Variants in EBF2 observed in about 807,000 individuals in gnomAD.
EBF2 encodes transcription factor COE2.
A neutral mutation model predicts 72.8 loss-of-function variants in EBF2; 21 were observed. That is an observed-to-expected ratio of 0.29 (90% CI 0.20 to 0.42). EBF2 has a LOEUF of 0.42. Among genes scored for constraint, EBF2 ranks in the 10% least tolerant of loss-of-function variants. EBF2 has a pLI of 1.00. For missense variants in EBF2, 637 were observed against 731.2 expected (o/e 0.87, Z 1.49); for synonymous variants, 299 against 274.2 (o/e 1.09, Z -0.89).
At chr8:25,996,043 C>T (rs553283058) in intron 6 of EBF2, among the ~76,000 whole-genome samples, 4 of 151,948 alleles carry the variant, frequency 2.6e-5, no homozygotes, top group Non-Finnish European at 5.9e-5. Flanking sequence ...CCTGTGATCC[C>T]AACACTTTGG....
At chr8:25,909,345 GA>G (rs1803089124) in intron 6 of EBF2, among the ~76,000 whole-genome samples, 1 of 151,416 alleles carries the variant, frequency 6.6e-6, no homozygotes, top group African/African-American at 2.4e-5. Flanking sequence ...GTTAATGTTT[GA>G]AAATTTGTTT....
intron 4 of EBF2, 107 bp downstream of exon 4, chr8:26,040,509 G>A: frequency 1.8e-6 from 2 of 1,082,382 alleles, no homozygotes; most frequent in South Asian, 1.5e-5. Context: ...GGGCTGTGGA[G>A]TCTGACCCAG....
intron 6 of EBF2, chr8:26,032,130 G>A (rs931858261): frequency 6.6e-6 from 1 of 152,190 alleles, no homozygotes; most frequent in Admixed American, 6.5e-5. Context: ...GAAGAACAAA[G>A]ATGCTGAGTG....
intron 6 of EBF2, among the ~76,000 whole-genome samples, chr8:25,984,951 AAT>A (rs1804423943): frequency 1.3e-5 from 2 of 148,462 alleles, no homozygotes; most frequent in Non-Finnish European, 3.0e-5. Flanking sequence ...AAAAAAAAAA[AAT>A]TATGGCTCTA....
intron 6 of EBF2, among the ~76,000 whole-genome samples, chr8:25,925,686 C>T (rs1585197491): frequency 6.6e-6 from 1 of 152,046 alleles, no homozygotes; most frequent in Admixed American, 6.5e-5. Context: ...ACTGGGCAGC[C>T]GAGCCTCTGG....
chr8:25,921,738 C>T (rs554841872), intron 6 of EBF2, among the ~76,000 whole-genome samples: 1 of 152,324 alleles, frequency 6.6e-6, no homozygotes, highest in African/African-American at 2.4e-5. Context: ...GCAGAGGACA[C>T]TACCTAATTA....
intron 14 of EBF2, among the ~76,000 whole-genome samples, chr8:25,856,475 C>A (rs1802095491): frequency 6.6e-6 from 1 of 152,184 alleles, no homozygotes; most frequent in African/African-American, 2.4e-5. Flanking sequence ...CATTCAATAA[C>A]TCTTCATCTC....
chr8:25,850,846 T>C, intron 14 of EBF2, 85 bp from the exon 15 acceptor site: 4 of 1,428,592 alleles, frequency 2.8e-6, no homozygotes, highest in Non-Finnish European at 3.7e-6. Context: ...TGAGAAATTG[T>C]TAATTTCCAT....
rs114040151 is a variant in EBF2 at position 25,852,300 on chromosome 8, G to A, written c.1529-1539C>T. ...TCTTCTAGCCTTGGGTTTGGCATTAGTGAAATAGAAAAAATCCAAAAGCAA... is the reference window on the plus strand; with the variant it reads ...TCTTCTAGCCTTGGGTTTGGCATTAATGAAATAGAAAAAATCCAAAAGCAA... On this transcript the variant is annotated intron_variant, in intron 14 of 15. Coordinates refer to ENST00000520164, the MANE Select transcript of EBF2 (RefSeq NM_022659.4). Among the ~76,000 whole-genome samples the A allele has an allele frequency of 7.8e-3, 1,193 of 152,140 alleles. 14 individuals carry two copies. Among genetic ancestry groups the A allele is most frequent in the African/African-American group, 0.027 (1,133 of 41,482 alleles).
chr8:25,861,832 T>G (rs1253391370), intron 11 of EBF2, among the ~76,000 whole-genome samples: 1 of 152,228 alleles, frequency 6.6e-6, no homozygotes, highest in Non-Finnish European at 1.5e-5. Flanking sequence ...AAAATTTTAT[T>G]CTAATAAAGA....
At chr8:25,957,804 C>T (rs763801627) in intron 6 of EBF2, among the ~76,000 whole-genome samples, 3 of 152,126 alleles carry the variant, frequency 2.0e-5, no homozygotes, top group Non-Finnish European at 2.9e-5. Flanking sequence ...AGTTCAAGAT[C>T]GTGGTGAACC....
intron 6 of EBF2, among the ~76,000 whole-genome samples, chr8:25,913,056 C>G (rs1269643664): frequency 1.3e-5 from 2 of 152,150 alleles, no homozygotes; most frequent in Non-Finnish European, 2.9e-5. Context: ...AAACCCAGCA[C>G]AATATTTCTC....
chr8:25,858,054 C>T (rs1802129841), intron 14 of EBF2: 2 of 608,676 alleles, frequency 3.3e-6, no homozygotes, highest in Non-Finnish European at 3.1e-6. Flanking sequence ...CTTGCTTCCA[C>T]TTACACAGGC....
intron 6 of EBF2, among the ~76,000 whole-genome samples, chr8:26,021,661 A>G (rs925546014): frequency 6.6e-6 from 1 of 152,260 alleles, no homozygotes; most frequent in African/African-American, 2.4e-5. Flanking sequence ...ATGATTGTTT[A>G]TCTGAAATGC....
At chr8:25,972,152 G>A (rs947111699) in intron 6 of EBF2, among the ~76,000 whole-genome samples, 13 of 152,196 alleles carry the variant, frequency 8.5e-5, no homozygotes, top group African/African-American at 3.1e-4. Flanking sequence ...ACAGAGAGGA[G>A]CATGCTGACC....
At chr8:25,951,377 A>G (rs1803859082) in intron 6 of EBF2, among the ~76,000 whole-genome samples, 1 of 152,178 alleles carries the variant, frequency 6.6e-6, no homozygotes, top group Non-Finnish European at 1.5e-5. Flanking sequence ...ACCAAGTCCC[A>G]CAACGTACAG....
At chr8:26,041,081 C>A (rs1443552401) in intron 2 of EBF2, 79 bp from the exon 3 acceptor site, 1 of 1,497,640 alleles carries the variant, frequency 6.7e-7, no homozygotes, top group Non-Finnish European at 9.2e-7. Context: ...TGAATCCCCA[C>A]CTCACATCCC....
At chr8:26,010,053 T>G (rs1041043878) in intron 6 of EBF2, among the ~76,000 whole-genome samples, 3 of 152,060 alleles carry the variant, frequency 2.0e-5, no homozygotes, top group Non-Finnish European at 1.5e-5. Flanking sequence ...AAACCTGTCA[T>G]GGAGATAGGC....
chr8:26,007,841 G>A (rs1255212292), intron 6 of EBF2, among the ~76,000 whole-genome samples: 1 of 151,332 alleles, frequency 6.6e-6, no homozygotes, highest in African/African-American at 2.4e-5. Flanking sequence ...AGAGAAAGCA[G>A]CTCCCAATTA....
Sources: gnomAD v4.1 joint callset for allele counts (sites outside exome capture counted in the v4.1 genomes callset) on GRCh38, gnomAD v4.1.1 for gene constraint, MANE v1.5 for transcripts, NCBI Gene and HGNC (gene_info 2026-07-23, HGNC 2026-07-21) for gene names.